GSX1: variants seen among roughly 807,000 people sequenced by gnomAD.
The protein encoded by GSX1 is GS homeo box protein 1.
GSX1 carries 13 observed loss-of-function variants against 17.7 expected under a neutral mutation model. The ratio of observed to expected loss-of-function variants is 0.74; its 90% CI spans 0.48 to 1.17. GSX1 has a LOEUF of 1.17. GSX1 is among the 50% of genes most tolerant of loss of function. The probability of loss-of-function intolerance (pLI) is 0.00; values close to 1 mark genes in which losing one functional copy is unlikely to be tolerated. For synonymous variants in GSX1, 202 were observed against 176.2 expected (o/e 1.15, Z -1.16); for missense variants, 371 against 372.1 (o/e 1.00, Z 0.02).
chr13:27,794,028 A>T lies in GSX1; in HGVS notation c.*80A>T. 1 of 1,436,544 alleles carries T rather than the reference A, an allele frequency of 7.0e-7. No individual in the cohort carries two copies. The highest frequency in any genetic ancestry group is 2.3e-5 in the East Asian group (1 of 43,320). 89.0% of individuals were successfully genotyped at this position (1,436,544 alleles called of 1,614,324 possible). A position where few individuals can be genotyped will look rare whatever the true frequency, so the allele number is the denominator to read the frequency against. On this transcript the variant is annotated 3_prime_UTR_variant, in exon 2 of 2. Transcript: ENST00000302945. ...GTCCTGGGACTCAGCGCTGATTCCC[A>T]GGCACCCGCAGCCAAACCACTGCCT...
At position 27,792,934 on chromosome 13, in the gene GSX1, T is replaced by G. The variant is rs966731951; in HGVS notation, c.244T>G (p.Ser82Ala). 1.3e-5 allele frequency: 20 copies of G among 1,534,692 alleles called. No individual in the cohort carries two copies. The Middle Eastern group carries it at 5.0e-4, about 39-fold the overall frequency. The change falls in exon 1 of 2, where the codon TCC (serine) becomes GCC (alanine). Residue 82 changes from serine to alanine, a missense_variant. Physicochemically the swap from Ser to Ala is moderately conservative, Grantham distance 99. This residue lies in a region of GSX1 where 212 missense variants were observed against 193.9 expected (regional missense o/e 1.09). Coordinates refer to ENST00000302945, the MANE Select transcript of GSX1 (RefSeq NM_145657.3). ...GPPALPLLKA[S>A]FPPFGSQYCH... ...GCCCGCGCTGCCTCTACTCAAGGCT[T>G]CCTTCCCACCCTTCGGCTCGCAGTA...
Position 27,793,809 on chromosome 13 carries a change from C to T in GSX1, c.656C>T (p.Ala219Val). ...CATCGTGGCGGCGGCGGCGGGGGTGCCGGTGGTGGCGGGAGCGCACCGCAA... is the reference window on the plus strand; with the variant it reads ...CATCGTGGCGGCGGCGGCGGGGGTGTCGGTGGTGGCGGGAGCGCACCGCAA... ...SNHRGGGGGG[A>V]GGGGSAPQGC... The change falls in exon 2 of 2, where the codon GCC (alanine) becomes GTC (valine). Residue 219 changes from alanine to valine, a missense_variant. Ala to Val is a moderately conservative substitution (Grantham distance 64). This residue lies in a region of GSX1 where 92 missense variants were observed against 70.0 expected (regional missense o/e 1.31). Coordinates refer to ENST00000302945, the MANE Select transcript of GSX1 (RefSeq NM_145657.3). This position sits in a 1 kb window ranked among gnomAD's most constrained non-coding sequence, Gnocchi z 6.2. 1 of 1,613,442 alleles carries T rather than the reference C, an allele frequency of 6.2e-7. No homozygotes were observed. Among genetic ancestry groups the T allele is most frequent in the Non-Finnish European group, 8.5e-7 (1 of 1,179,704 alleles).
chr13:27,793,161 G>T lies in GSX1; in HGVS notation c.412+59G>T. ...GAGGTGATCCGAAGCAGGATGGAGAGCCAGAGATGGAGGAAGAGGGACCCT... is the reference window on the plus strand; with the variant it reads ...GAGGTGATCCGAAGCAGGATGGAGATCCAGAGATGGAGGAAGAGGGACCCT... On this transcript the variant is annotated intron_variant, in intron 1 of 1. Coordinates refer to ENST00000302945, the MANE Select transcript of GSX1 (RefSeq NM_145657.3). The surrounding 1 kb of genome is among the most constrained non-coding windows in gnomAD (Gnocchi z 6.2). 7.0e-7 allele frequency: 1 copy of T among 1,434,584 alleles called. No homozygotes were observed. The highest frequency in any genetic ancestry group is 9.1e-7 in the Non-Finnish European group (1 of 1,094,906). 88.9% of individuals were successfully genotyped at this position (1,434,584 alleles called of 1,614,324 possible).
Position 27,793,138 on chromosome 13 carries a change from G to GAC in GSX1, c.412+36_412+37insAC. On this transcript the variant is annotated intron_variant, in intron 1 of 1. Transcript: ENST00000302945. The surrounding 1 kb of genome is among the most constrained non-coding windows in gnomAD (Gnocchi z 6.2). Reference sequence around the variant, plus strand: ...CCGCCGCGCAGAGGGACCGGGCAGAGGTGATCCGAAGCAGGATGGAGAGCC... The same window carrying GAC: ...CCGCCGCGCAGAGGGACCGGGCAGAGACGTGATCCGAAGCAGGATGGAGAGCC... 1 of 1,482,502 alleles carries GAC rather than the reference G, an allele frequency of 6.7e-7. No individual in the cohort carries two copies. The allele number at this position is 1,482,502 out of a possible 1,614,324, so 91.8% of individuals were successfully genotyped here. A position where few individuals can be genotyped will look rare whatever the true frequency, so the allele number is the denominator to read the frequency against.
In GSX1 at chr13:27,793,972, A is replaced by AC. The variant is rs1182362638; in HGVS notation, c.*28dup. 6.6e-7 allele frequency: 1 copy of AC among 1,520,156 alleles called. No individual in the cohort carries two copies. The highest frequency in any genetic ancestry group is 8.8e-7 in the Non-Finnish European group (1 of 1,135,928). The allele number at this position is 1,520,156 out of a possible 1,614,324, so 94.2% of individuals were successfully genotyped here. ...AGGCGCGTGTCTCCCTAGGTCGCCC[A>AC]CCCCAAGACCTCCCTGCGCCTCGGA... On this transcript the variant is annotated 3_prime_UTR_variant, in exon 2 of 2. Transcript: ENST00000302945. This position sits in a 1 kb window ranked among gnomAD's most constrained non-coding sequence, Gnocchi z 6.2.
chr13:27,793,060 T>C lies in GSX1; in HGVS notation c.370T>C (p.Tyr124His). ...AAAAALYQTSYPLPDPRQFHC... is the reference protein window; with the variant it reads ...AAAAALYQTSHPLPDPRQFHC... ...TGCCGCCGCGCTCTACCAGACCTCC[T>C]ACCCGCTGCCTGACCCCAGGCAGTT... The change falls in exon 1 of 2, where the codon TAC becomes CAC. Residue 124 changes from tyrosine (Y) to histidine (H), a missense_variant. Tyr to His is a moderately conservative substitution (Grantham distance 83). This residue lies in a region of GSX1 where 212 missense variants were observed against 193.9 expected (regional missense o/e 1.09). Transcript: ENST00000302945. This position sits in a 1 kb window ranked among gnomAD's most constrained non-coding sequence, Gnocchi z 6.2. 1 of 1,582,934 alleles carries C rather than the reference T, an allele frequency of 6.3e-7. No homozygotes were observed. Among genetic ancestry groups the C allele is most frequent in the Non-Finnish European group, 8.5e-7 (1 of 1,171,782 alleles).
In GSX1 at chr13:27,793,708, T is replaced by C. The variant is rs1957081132; in HGVS notation, c.555T>C (p.Asn185=). 2 of 1,614,062 alleles carry C rather than the reference T, an allele frequency of 1.2e-6. No homozygotes were observed. The highest frequency in any genetic ancestry group is 1.7e-6 in the Non-Finnish European group (2 of 1,180,004). ...GCATCGAGATCGCGACCTACCTGAA[T>C]CTGTCCGAGAAGCAGGTGAAGATCT... is the stretch of plus-strand genomic sequence containing the variant. The part of the protein sequence containing the change: ...LRRIEIATYL[N]LSEKQVKIWF... The change falls in exon 2 of 2, where the codon AAT becomes AAC. Residue 185 remains asparagine (N), a synonymous_variant. Transcript: ENST00000302945. This position sits in a 1 kb window ranked among gnomAD's most constrained non-coding sequence, Gnocchi z 6.2.
rs1957084090 is a variant in GSX1 at position 27,793,928 on chromosome 13, G to T, written c.775G>T (p.Asp259Tyr). 1 of 1,559,906 alleles carries T rather than the reference G, an allele frequency of 6.4e-7. No individual in the cohort carries two copies. The highest frequency in any genetic ancestry group is 8.7e-7 in the Non-Finnish European group (1 of 1,150,932). ...GTCCTCCTCAGGGAAGGACGACCGG[G>T]ATCTTACGGTCACTCCCTAGGCGCG... is the stretch of plus-strand genomic sequence containing the variant. ...SPSSSGKDDR[D>Y]LTVTP The change falls in exon 2 of 2, where the codon GAT (aspartate) becomes TAT (tyrosine). Residue 259 changes from aspartate (D) to tyrosine (Y), a missense_variant. Around this residue, in one of 3 missense-constraint regions of GSX1, gnomAD observed 92 missense variants for 70.0 expected, o/e 1.31. Transcript: ENST00000302945. The surrounding 1 kb of genome is among the most constrained non-coding windows in gnomAD (Gnocchi z 6.2).
Position 27,793,217 on chromosome 13 carries a change from G to A in GSX1, c.412+115G>A. 1 of 1,150,606 alleles carries A rather than the reference G, an allele frequency of 8.7e-7. No individual in the cohort carries two copies. Among genetic ancestry groups the A allele is most frequent in the Non-Finnish European group, 1.2e-6 (1 of 845,952 alleles). The allele number at this position is 1,150,606 out of a possible 1,614,324, so 71.3% of individuals were successfully genotyped here. A position where few individuals can be genotyped will look rare whatever the true frequency, so the allele number is the denominator to read the frequency against. On this transcript the variant is annotated intron_variant, in intron 1 of 1. Coordinates refer to ENST00000302945, the MANE Select transcript of GSX1 (RefSeq NM_145657.3). This position sits in a 1 kb window ranked among gnomAD's most constrained non-coding sequence, Gnocchi z 6.2. ...TTCTGGGGGCGGTGAGGGTCATGTCGGGGACTAAGGGGGGCGCTTGGGGTG... is the reference window on the plus strand; with the variant it reads ...TTCTGGGGGCGGTGAGGGTCATGTCAGGGACTAAGGGGGGCGCTTGGGGTG...
Position 27,793,816 on chromosome 13 carries a change from T to G in GSX1, c.663T>G (p.Gly221=), listed in dbSNP as rs761937649. The change falls in exon 2 of 2, where the codon GGT becomes GGG. Residue 221 remains glycine (G), a synonymous_variant. Coordinates refer to ENST00000302945, the MANE Select transcript of GSX1 (RefSeq NM_145657.3). The surrounding 1 kb of genome is among the most constrained non-coding windows in gnomAD (Gnocchi z 6.2). The stretch of plus-strand genomic sequence containing the variant: ...GCGGCGGCGGCGGGGGTGCCGGTGG[T>G]GGCGGGAGCGCACCGCAAGGCTGCA... ...HRGGGGGGAG[G]GGSAPQGCKC... is the part of the protein sequence containing the mutation. 1.2e-6 allele frequency: 2 copies of G among 1,613,184 alleles called. No homozygotes were observed. The highest frequency in any genetic ancestry group is 1.7e-6 in the Non-Finnish European group (2 of 1,179,590).
rs766872119 is a variant in GSX1 at position 27,793,623 on chromosome 13, C to T, written c.470C>T (p.Thr157Met). The change falls in exon 2 of 2, where the codon ACG (threonine) becomes ATG (methionine). Residue 157 changes from threonine to methionine, a missense_variant. Transcript: ENST00000302945. This position sits in a 1 kb window ranked among gnomAD's most constrained non-coding sequence, Gnocchi z 6.2. The part of the protein sequence containing the change: ...SKRMRTAFTS[T>M]QLLELEREFA... ...AGGATGCGCACGGCTTTCACCAGCACGCAGCTGCTAGAGCTGGAGCGCGAG... is the reference window on the plus strand; with the variant it reads ...AGGATGCGCACGGCTTTCACCAGCATGCAGCTGCTAGAGCTGGAGCGCGAG... 6 of 1,614,140 alleles carry T rather than the reference C, an allele frequency of 3.7e-6. No homozygotes were observed. Among genetic ancestry groups the T allele is most frequent in the South Asian group, 3.3e-5 (3 of 91,086 alleles).
chr13:27,793,837 C>T lies in GSX1; in HGVS notation c.684C>T (p.Gly228=). ...GAGGGGSAPQ[G]CKCASLSSAK... ...GTGGTGGCGGGAGCGCACCGCAAGGCTGCAAGTGCGCATCGCTCTCCTCAG... is the reference window on the plus strand; with the variant it reads ...GTGGTGGCGGGAGCGCACCGCAAGGTTGCAAGTGCGCATCGCTCTCCTCAG... Residue 228 remains glycine, a synonymous_variant, in exon 2 of 2, where the codon GGC becomes GGT. Transcript: ENST00000302945. The surrounding 1 kb of genome is among the most constrained non-coding windows in gnomAD (Gnocchi z 6.2). 6.2e-7 allele frequency: 1 copy of T among 1,611,830 alleles called. No homozygotes were observed. The highest frequency in any genetic ancestry group is 8.5e-7 in the Non-Finnish European group (1 of 1,178,742).
At position 27,794,142 on chromosome 13, in the gene GSX1, A is replaced by G; in HGVS notation, c.*194A>G. 1 of 625,252 alleles carries G rather than the reference A, an allele frequency of 1.6e-6. No individual in the cohort carries two copies. Among genetic ancestry groups the G allele is most frequent in the Non-Finnish European group, 2.7e-6 (1 of 377,192 alleles). The allele number at this position is 625,252 out of a possible 1,614,324, so 38.7% of individuals were successfully genotyped here. ...GACTGGACCATGGCGTCCCCGCCCC[A>G]GGGCTCGCTCGTGTCCAAAGCCAAC... On this transcript the variant is annotated 3_prime_UTR_variant, in exon 2 of 2. Coordinates refer to ENST00000302945, the MANE Select transcript of GSX1 (RefSeq NM_145657.3).
Position 27,793,012 on chromosome 13 carries a change from C to T in GSX1, c.322C>T (p.His108Tyr). 3.8e-6 allele frequency: 6 copies of T among 1,576,134 alleles called. No individual in the cohort carries two copies. Among genetic ancestry groups the T allele is most frequent in the African/African-American group, 1.3e-5 (1 of 74,470 alleles). The change falls in exon 1 of 2, where the codon CAC (histidine) becomes TAC (tyrosine). Residue 108 changes from histidine to tyrosine, a missense_variant. Physicochemically the swap from His to Tyr is moderately conservative, Grantham distance 83. Around this residue, in one of 3 missense-constraint regions of GSX1, gnomAD observed 212 missense variants for 193.9 expected, o/e 1.09. Transcript: ENST00000302945. This position sits in a 1 kb window ranked among gnomAD's most constrained non-coding sequence, Gnocchi z 6.2. ...CTCTGCTGTGTCGCCCGGGGTCGCT[C>T]ACGGCCCGGCCGCCGCTGCTGCTGC... is the stretch of plus-strand genomic sequence containing the variant. ...QHSAVSPGVA[H>Y]GPAAAAAAAA... is the part of the protein sequence containing the mutation.
In GSX1 at chr13:27,794,402, C is replaced by T. The variant is rs1957087306; in HGVS notation, c.*454C>T. 2 of 158,310 alleles carry T rather than the reference C, an allele frequency of 1.3e-5. No individual in the cohort carries two copies. Among genetic ancestry groups the T allele is most frequent in the African/African-American group, 4.8e-5 (2 of 41,634 alleles). The allele number at this position is 158,310 out of a possible 1,614,324, so 9.8% of individuals were successfully genotyped here. A position where few individuals can be genotyped will look rare whatever the true frequency, so the allele number is the denominator to read the frequency against. ...TTTAAAATGTCTTTTTGTCCCTCCC[C>T]ACCTCTTTCCTGTGATCATTTATTC... On this transcript the variant is annotated 3_prime_UTR_variant, in exon 2 of 2. Transcript: ENST00000302945.
rs1440428278 is a variant in GSX1, at chr13:27,793,335, G to A, written c.413-231G>A. 6.6e-6 allele frequency among the ~76,000 whole-genome samples: 1 copy of A among 152,140 alleles called. No individual in the cohort carries two copies. Among genetic ancestry groups the A allele is most frequent in the Non-Finnish European group, 1.5e-5 (1 of 68,020 alleles). On this transcript the variant is annotated intron_variant, in intron 1 of 1. Transcript: ENST00000302945. The surrounding 1 kb of genome is among the most constrained non-coding windows in gnomAD (Gnocchi z 6.2). ...TGTGGGCCGGGGTAAGTGAGGGCTG[G>A]GATCCAAGGCTCTCCATGAAGGGGA... is the stretch of plus-strand genomic sequence containing the variant.
In GSX1 at chr13:27,793,688, G is replaced by A; in HGVS notation, c.535G>A (p.Glu179Lys). ...NMYLSRLRRI[E>K]IATYLNLSEK... ...GTACCTGTCCCGCCTACGTCGCATC[G>A]AGATCGCGACCTACCTGAATCTGTC... Residue 179 changes from glutamate to lysine, a missense_variant, in exon 2 of 2, where the codon GAG becomes AAG. Coordinates refer to ENST00000302945, the MANE Select transcript of GSX1 (RefSeq NM_145657.3). The surrounding 1 kb of genome is among the most constrained non-coding windows in gnomAD (Gnocchi z 6.2). 1 of 1,614,202 alleles carries A rather than the reference G, an allele frequency of 6.2e-7. No homozygotes were observed.
rs769856430 is a variant in GSX1, at chr13:27,792,797, C to T, written c.107C>T (p.Pro36Leu). The change falls in exon 1 of 2, where the codon CCG becomes CTG. Residue 36 changes from proline to leucine, a missense_variant. By Grantham distance (98) the Pro-to-Leu change is moderately conservative. Around this residue, in one of 3 missense-constraint regions of GSX1, gnomAD observed 212 missense variants for 193.9 expected, o/e 1.09. Transcript: ENST00000302945. ...CTCTTCCCCTACGCTGTGCCCCCGCCGCACGCGCTGCACGGTCTCTCGCCT... is the reference window on the plus strand; with the variant it reads ...CTCTTCCCCTACGCTGTGCCCCCGCTGCACGCGCTGCACGGTCTCTCGCCT... ...PPLFPYAVPP[P>L]HALHGLSPGA... 1.0e-5 allele frequency: 15 copies of T among 1,501,356 alleles called. No homozygotes were observed. The highest frequency in any genetic ancestry group is 2.3e-4 in the Middle Eastern group (1 of 4,322). The allele number at this position is 1,501,356 out of a possible 1,614,324, so 93.0% of individuals were successfully genotyped here.
At position 27,792,626 on chromosome 13, in the gene GSX1, G is replaced by A. The variant is rs1472613289; in HGVS notation, c.-65G>A. 3.1e-6 allele frequency: 4 copies of A among 1,280,686 alleles called. No individual in the cohort carries two copies. The highest frequency in any genetic ancestry group is 4.0e-6 in the Non-Finnish European group (4 of 1,002,270). The allele number at this position is 1,280,686 out of a possible 1,614,324, so 79.3% of individuals were successfully genotyped here. ...ATACCGCGGCCAGGGAAAGCGCGTG[G>A]AGAGCCGAAAGGTGCGGTGGGCGCA... On this transcript the variant is annotated 5_prime_UTR_variant, in exon 1 of 2. Transcript: ENST00000302945.
Sources: allele counts gnomAD v4.1 joint callset (sites outside exome capture counted in the v4.1 genomes callset), GRCh38; gene constraint gnomAD v4.1.1; regional missense constraint gnomAD v4.1.1; non-coding constraint Gnocchi (gnomAD v3.1); transcripts MANE v1.5; gene names NCBI Gene and HGNC (gene_info 2026-07-23, HGNC 2026-07-21).